The following DISP3 variants were observed in gnomAD, a reference collection of about 807,000 sequenced individuals.
DISP3 encodes the protein dispatched RND transporter family member 3, also known as protein dispatched homolog 3.
Under a neutral mutation model 135.3 loss-of-function variants are expected in DISP3, and 101 were observed. That is an observed-to-expected ratio of 0.75 (90% CI 0.64 to 0.88). The LOEUF (loss-of-function observed/expected upper bound fraction) is 0.88, where lower values mean the gene tolerates loss of function less well. DISP3 is among the 40% of genes least tolerant of loss of function. The pLI, the probability that DISP3 is intolerant of heterozygous loss-of-function variation, is 0.00. For missense variants in DISP3, 1,713 were observed against 1,878.6 expected (o/e 0.91, Z 1.63); for synonymous variants, 856 against 817.0 (o/e 1.05, Z -0.81).
At chr1:11,526,164 G>T (rs1432297943) in intron 12 of DISP3, among the ~76,000 whole-genome samples, 4 of 152,210 alleles carry the variant, frequency 2.6e-5, no homozygotes, top group African/African-American at 9.6e-5. Context: ...CGCATGTGCA[G>T]TTCCCACTGC....
At position 11,519,418 on chromosome 1, in the gene DISP3, C is replaced by T. The variant is rs762908820; in HGVS notation, c.1953C>T (p.Pro651=). The T allele has an allele frequency of 3.7e-5, 59 of 1,613,780 alleles. No individual in the cohort carries two copies. Among genetic ancestry groups the T allele is most frequent in the East Asian group, 2.7e-4 (12 of 44,868 alleles). Residue 651 remains proline, a synonymous_variant, in exon 8 of 21, where the codon CCC becomes CCT. Transcript: ENST00000294484. The surrounding 1 kb of genome is among the most constrained non-coding windows in gnomAD (Gnocchi z 4.3). ...LHFPGDVFAA[P]EQVGGSPAQG... ...TCCCCGGAGACGTGTTTGCCGCTCC[C>T]GAGCAGGTTGGAGGCAGCCCTGCCC...
intron 17 of DISP3, among the ~76,000 whole-genome samples, 161 bp from the exon 18 acceptor site, chr1:11,534,220 C>G (rs1400234299): frequency 6.6e-6 from 1 of 152,212 alleles, no homozygotes; most frequent in Non-Finnish European, 1.5e-5. Flanking sequence ...ATGATGCCTC[C>G]AGAAGCTGGT....
chr1:11,501,953 G>C lies in DISP3; in HGVS notation c.961G>C (p.Val321Leu). 6.2e-7 allele frequency: 1 copy of C among 1,613,872 alleles called. No individual in the cohort carries two copies. Among genetic ancestry groups the C allele is most frequent in the Non-Finnish European group, 8.5e-7 (1 of 1,179,994 alleles). ...FREFCWKPHEVLKDLPLGSYS... is the reference protein window; with the variant it reads ...FREFCWKPHELLKDLPLGSYS... ...GGAGTTCTGCTGGAAGCCCCACGAGGTGCTCAAGGATCTGCCGCTGGGCTC... is the reference window on the plus strand; with the variant it reads ...GGAGTTCTGCTGGAAGCCCCACGAGCTGCTCAAGGATCTGCCGCTGGGCTC... Residue 321 changes from valine (V) to leucine (L), a missense_variant, in exon 2 of 21, where the codon GTG becomes CTG. Coordinates refer to ENST00000294484, the MANE Select transcript of DISP3 (RefSeq NM_020780.2). This position sits in a 1 kb window ranked among gnomAD's most constrained non-coding sequence, Gnocchi z 4.9.
chr1:11,504,187 A>G (rs186166108), intron 3 of DISP3, among the ~76,000 whole-genome samples: 16 of 152,336 alleles, frequency 1.1e-4, no homozygotes, highest in African/African-American at 3.8e-4. Context: ...AACCCTTTAT[A>G]CATACCAGCT....
chr1:11,496,765 G>A (rs1480239108), intron 1 of DISP3, among the ~76,000 whole-genome samples: 1 of 152,180 alleles, frequency 6.6e-6, no homozygotes, highest in Non-Finnish European at 1.5e-5. Context: ...TGCCCTACTC[G>A]GGCTGCAGAC....
chr1:11,530,245 G>T (rs752383849), intron 15 of DISP3, among the ~76,000 whole-genome samples: 10 of 152,210 alleles, frequency 6.6e-5, no homozygotes, highest in Non-Finnish European at 1.2e-4. Context: ...ACACCTCCGT[G>T]CCCTCCTCCT....
intron 10 of DISP3, among the ~76,000 whole-genome samples, chr1:11,521,572 G>A (rs1193999068): frequency 1.5e-5 from 2 of 131,628 alleles, no homozygotes; most frequent in Admixed American, 7.7e-5. Context: ...GAGGAGGGAA[G>A]AGGAGGAGTT....
chr1:11,520,985 T>C lies in DISP3; in HGVS notation c.2362+137T>C. 1 of 1,111,916 alleles carries C rather than the reference T, an allele frequency of 9.0e-7. No homozygotes were observed. Among genetic ancestry groups the C allele is most frequent in the Non-Finnish European group, 1.2e-6 (1 of 802,596 alleles). The allele number at this position is 1,111,916 out of a possible 1,614,324, so 68.9% of individuals were successfully genotyped here. A position where few individuals can be genotyped will look rare whatever the true frequency, so the allele number is the denominator to read the frequency against. ...AATCCCACTCCCCTCTGAGCCCCCATGTTCCCACAGTTCATTCAACAGATG... is the reference window on the plus strand; with the variant it reads ...AATCCCACTCCCCTCTGAGCCCCCACGTTCCCACAGTTCATTCAACAGATG... On this transcript the variant is annotated intron_variant, in intron 10 of 20. Transcript: ENST00000294484. This position sits in a 1 kb window ranked among gnomAD's most constrained non-coding sequence, Gnocchi z 4.8.
At chr1:11,509,175 G>A (rs549909421) in intron 3 of DISP3, among the ~76,000 whole-genome samples, 2 of 152,082 alleles carry the variant, frequency 1.3e-5, no homozygotes, top group African/African-American at 4.8e-5. Flanking sequence ...ACTTAAAAGT[G>A]TGTTATTTAG....
At chr1:11,532,034 GC>G (rs1642589841) in intron 17 of DISP3, among the ~76,000 whole-genome samples, 1 of 152,162 alleles carries the variant, frequency 6.6e-6, no homozygotes, top group African/African-American at 2.4e-5. Flanking sequence ...AGTCCAGGAT[GC>G]CCCCCTCTGC....
chr1:11,528,420 CT>C (rs1184122911), intron 13 of DISP3, among the ~76,000 whole-genome samples: 7 of 152,242 alleles, frequency 4.6e-5, no homozygotes, highest in Non-Finnish European at 1.0e-4. Flanking sequence ...AAGGTCTCCT[CT>C]CTCTGCCGTT....
chr1:11,519,399 G>C lies in DISP3; in HGVS notation c.1934G>C (p.Gly645Ala). The change falls in exon 8 of 21, where the codon GGA becomes GCA. Residue 645 changes from glycine to alanine, a missense_variant. Physicochemically the swap from Gly to Ala is moderately conservative, Grantham distance 60 (BLOSUM62 0). Around this residue, in one of 2 missense-constraint regions of DISP3, gnomAD observed 1,142 missense variants for 1,384.6 expected, o/e 0.82. Coordinates refer to ENST00000294484, the MANE Select transcript of DISP3 (RefSeq NM_020780.2). The surrounding 1 kb of genome is among the most constrained non-coding windows in gnomAD (Gnocchi z 4.3). ...CGGAAGACCTCCCTGCACTTCCCCG[G>C]AGACGTGTTTGCCGCTCCCGAGCAG... ...CSRKTSLHFP[G>A]DVFAAPEQVG... is the part of the protein sequence containing the mutation. 1 of 1,613,796 alleles carries C rather than the reference G, an allele frequency of 6.2e-7. No homozygotes were observed.
intron 10 of DISP3, among the ~76,000 whole-genome samples, chr1:11,522,450 C>T (rs899607101): frequency 1.3e-5 from 2 of 152,142 alleles, no homozygotes; most frequent in Non-Finnish European, 2.9e-5. Flanking sequence ...TGGCATTGCT[C>T]CCCATCATCA....
At chr1:11,485,314 G>A (rs1162718932) in intron 1 of DISP3, among the ~76,000 whole-genome samples, 1 of 152,208 alleles carries the variant, frequency 6.6e-6, no homozygotes, top group African/African-American at 2.4e-5. Flanking sequence ...TGAGCTTGAT[G>A]TCTTGGTAGG....
At chr1:11,512,174 C>T (rs1641874757) in intron 3 of DISP3, among the ~76,000 whole-genome samples, 1 of 152,186 alleles carries the variant, frequency 6.6e-6, no homozygotes, top group Admixed American at 6.5e-5. Flanking sequence ...ATGTTAATCC[C>T]CATGGTCTTG....
At chr1:11,533,303 T>G (rs1642620942) in intron 17 of DISP3, among the ~76,000 whole-genome samples, 1 of 149,066 alleles carries the variant, frequency 6.7e-6, no homozygotes, top group African/African-American at 2.5e-5. Context: ...TCACCCAGGC[T>G]GGAGTGCAGT....
Position 11,536,648 on chromosome 1 carries a change from G to A in DISP3, c.4141G>A (p.Gly1381Ser), listed in dbSNP as rs758138325. ...LGACLVLLQS[G>S]YKIPLPAGAS... ...TGCCTGCCTCGTGCTCCTGCAGAGC[G>A]GCTATAAGATTCCCCTGCCCGCAGG... The change falls in exon 21 of 21, where the codon GGC becomes AGC. Residue 1381 changes from glycine to serine, a missense_variant. Coordinates refer to ENST00000294484, the MANE Select transcript of DISP3 (RefSeq NM_020780.2). This position sits in a 1 kb window ranked among gnomAD's most constrained non-coding sequence, Gnocchi z 4.3. 1.6e-5 allele frequency: 25 copies of A among 1,596,134 alleles called. No homozygotes were observed. The highest frequency in any genetic ancestry group is 6.7e-5 in the African/African-American group (5 of 74,394).
chr1:11,515,537 C>T (rs764880601), intron 5 of DISP3, 34 bp downstream of exon 5: 32 of 1,569,572 alleles, frequency 2.0e-5, no homozygotes, highest in Admixed American at 7.2e-5. Flanking sequence ...CAGTGCGCCT[C>T]CCACATGGGA....
rs749106935 is a variant in DISP3, at chr1:11,519,705, C to T, written c.2039-14C>T. 5 of 1,610,782 alleles carry T rather than the reference C, an allele frequency of 3.1e-6. No homozygotes were observed. In the South Asian group the frequency reaches 3.3e-5, roughly 11 times the overall value. ...TGATTCAGGCTCTGACGGGCCACTG[C>T]TCTGCCCTGGCAGTGTCACTGGAGC... On this transcript the variant is annotated splice_polypyrimidine_tract_variant and intron_variant, in intron 8 of 20. Coordinates refer to ENST00000294484, the MANE Select transcript of DISP3 (RefSeq NM_020780.2). This position sits in a 1 kb window ranked among gnomAD's most constrained non-coding sequence, Gnocchi z 4.3.
Sources: allele counts gnomAD v4.1 joint callset (sites outside exome capture counted in the v4.1 genomes callset), GRCh38; gene constraint gnomAD v4.1.1; regional missense constraint gnomAD v4.1.1; non-coding constraint Gnocchi (gnomAD v3.1); transcripts MANE v1.5; gene names NCBI Gene and HGNC (gene_info 2026-07-23, HGNC 2026-07-21).